TLE4: variants seen among roughly 807,000 people sequenced by gnomAD.
TLE4 encodes the protein transducin-like enhancer protein 4.
In TLE4, 8 loss-of-function variants were observed where a neutral mutation model predicts 92.8. The ratio of observed to expected loss-of-function variants is 0.09; its 90% CI spans 0.05 to 0.16. TLE4 has a LOEUF of 0.16. Ranked by LOEUF, TLE4 falls within the 10% of genes least tolerant of loss-of-function variation. The probability of loss-of-function intolerance (pLI) is 1.00; values close to 1 mark genes in which losing one functional copy is unlikely to be tolerated. For synonymous variants in TLE4, 371 were observed against 374.1 expected, an observed-to-expected ratio of 0.99 and a Z score of 0.10; for missense variants, 675 against 997.6, an observed-to-expected ratio of 0.68 and a Z score of 4.36.
chr9:79,709,520 TA>T, intron 13 of TLE4, 102 bp from the exon 14 acceptor site: 1 of 929,280 alleles, frequency 1.1e-6, no homozygotes, highest in Non-Finnish European at 1.6e-6. Flanking sequence ...ACCTTATTTT[TA>T]AAGGATCTAT....
At chr9:79,694,760 G>T (rs1046604834) in intron 8 of TLE4, among the ~76,000 whole-genome samples, 20 of 150,184 alleles carry the variant, frequency 1.3e-4, no homozygotes, top group South Asian at 6.3e-4. Flanking sequence ...ATCTGTGTGT[G>T]GTGACTTACT....
intron 8 of TLE4, among the ~76,000 whole-genome samples, chr9:79,655,446 AT>A (rs201030199): frequency 3.3e-5 from 5 of 151,660 alleles, no homozygotes; most frequent in African/African-American, 1.2e-4. Flanking sequence ...AATTAAAGGA[AT>A]TTTTTTTTCA....
At chr9:79,628,167 G>A (rs927292714) in intron 6 of TLE4, among the ~76,000 whole-genome samples, 3 of 152,008 alleles carry the variant, frequency 2.0e-5, no homozygotes, top group African/African-American at 7.2e-5. Flanking sequence ...AATCACAGCT[G>A]TAAAGAGCAT....
At chr9:79,628,059 T>TC (rs2053117982) in intron 6 of TLE4, among the ~76,000 whole-genome samples, 1 of 152,120 alleles carries the variant, frequency 6.6e-6, no homozygotes, top group African/African-American at 2.4e-5. Context: ...GGCAGTCACT[T>TC]CAACTCTGCT....
chr9:79,602,481 G>A (rs762280560), intron 4 of TLE4, among the ~76,000 whole-genome samples: 3 of 152,110 alleles, frequency 2.0e-5, no homozygotes, highest in African/African-American at 7.2e-5. Context: ...AAATCCTAGC[G>A]CCTCTAAGAA....
intron 2 of TLE4, chr9:79,574,137 G>C (rs2036911969): frequency 6.0e-6 from 1 of 167,484 alleles, no homozygotes; most frequent in African/African-American, 2.4e-5. Context: ...CTCCGGACTT[G>C]ATTCCTTCTC....
intron 19 of TLE4, among the ~76,000 whole-genome samples, chr9:79,723,293 C>G (rs146616203): frequency 1.1e-3 from 172 of 152,294 alleles, no homozygotes; most frequent in Non-Finnish European, 9.8e-4. Flanking sequence ...TCATCAATCC[C>G]TTTTTGGAGT....
intron 4 of TLE4, among the ~76,000 whole-genome samples, chr9:79,591,101 G>A (rs1347918363): frequency 6.6e-6 from 1 of 152,194 alleles, no homozygotes; most frequent in Non-Finnish European, 1.5e-5. Flanking sequence ...AGGAAAGGTA[G>A]GAGGCTTGCC....
chr9:79,704,763 T>G lies in TLE4; in HGVS notation c.610-20T>G. 2 of 1,601,526 alleles carry G rather than the reference T, an allele frequency of 1.2e-6. No individual in the cohort carries two copies. The highest frequency in any genetic ancestry group is 1.7e-6 in the Non-Finnish European group (2 of 1,176,894). ...TAGATGATAATTTCTCAACCATGCT[T>G]CCTCTCCTTCTAATTCCAGAGCTCT... On this transcript the variant is annotated intron_variant, in intron 8 of 19. Transcript: ENST00000376552.
At chr9:79,598,510 CAGTT>C (rs1386943179) in intron 4 of TLE4, among the ~76,000 whole-genome samples, 2 of 152,154 alleles carry the variant, frequency 1.3e-5, no homozygotes, top group African/African-American at 4.8e-5. Context: ...ATTTTACCCT[CAGTT>C]ACTCAGGGAA....
Position 79,632,906 on chromosome 9 carries a change from G to A in TLE4, c.390+5458G>A, listed in dbSNP as rs563561006. On this transcript the variant is annotated intron_variant, in intron 6 of 19. Transcript: ENST00000376552. ...TACACACACAGCTTGCACAATGGGG[G>A]AAGGGGCTGGCTTGAAGATGCACTC... 6.6e-5 allele frequency among the ~76,000 whole-genome samples: 10 copies of A among 152,264 alleles called. No individual in the cohort carries two copies. In the East Asian group the frequency reaches 9.7e-4, roughly 15 times the overall value.
Position 79,572,651 on chromosome 9 carries a change from C to T in TLE4, c.-140C>T. On this transcript the variant is annotated 5_prime_UTR_variant, in exon 1 of 20. Transcript: ENST00000376552. ...TTCCTGCCGCCCGTGTCACGCGAGA[C>T]CCGGCGGGGGCCGGGACCGCCCGAG... is the stretch of plus-strand genomic sequence containing the variant. 2 of 557,050 alleles carry T rather than the reference C, an allele frequency of 3.6e-6. No homozygotes were observed. Among genetic ancestry groups the T allele is most frequent in the Non-Finnish European group, 5.6e-6 (2 of 358,926 alleles). 34.5% of individuals were successfully genotyped at this position (557,050 alleles called of 1,614,324 possible).
intron 8 of TLE4, among the ~76,000 whole-genome samples, chr9:79,678,373 T>C (rs774900937): frequency 1.3e-5 from 2 of 152,126 alleles, no homozygotes; most frequent in Non-Finnish European, 2.9e-5. Context: ...CAAGCTTGAA[T>C]TGGAAACCAC....
chr9:79,629,946 G>T (rs1422315240), intron 6 of TLE4, among the ~76,000 whole-genome samples: 1 of 152,124 alleles, frequency 6.6e-6, no homozygotes, highest in Non-Finnish European at 1.5e-5. Flanking sequence ...GTGGTATTTT[G>T]ACACGCTACC....
chr9:79,680,589 TC>T (rs2064314007), intron 8 of TLE4, among the ~76,000 whole-genome samples: 1 of 152,200 alleles, frequency 6.6e-6, no homozygotes, highest in African/African-American at 2.4e-5. Flanking sequence ...GGATTTGACT[TC>T]CTCTTTTCCT....
chr9:79,621,541 C>T (rs2050982259), intron 5 of TLE4, among the ~76,000 whole-genome samples: 1 of 152,022 alleles, frequency 6.6e-6, no homozygotes, highest in Non-Finnish European at 1.5e-5. Context: ...AAAAGCTTGT[C>T]CATGAGGTAG....
At chr9:79,574,825 G>A (rs771634166) in intron 2 of TLE4, 48 bp from the exon 3 acceptor site, 5 of 1,492,200 alleles carry the variant, frequency 3.4e-6, no homozygotes, top group South Asian at 1.1e-5. Context: ...AGAGTTGAAG[G>A]ATGTAAGTTA....
At chr9:79,635,604 A>T (rs2055565240) in intron 6 of TLE4, among the ~76,000 whole-genome samples, 1 of 148,220 alleles carries the variant, frequency 6.7e-6, no homozygotes, top group South Asian at 2.1e-4. Flanking sequence ...AAGGACATGG[A>T]TTCAGTTTTT....
chr9:79,584,230 G>GGAC (rs2040479937), intron 4 of TLE4, among the ~76,000 whole-genome samples: 4 of 152,238 alleles, frequency 2.6e-5, no homozygotes, highest in African/African-American at 9.6e-5. Flanking sequence ...GAGGAGCATG[G>GGAC]TGATGCTACT....
Sources: gnomAD v4.1 joint callset for allele counts (sites outside exome capture counted in the v4.1 genomes callset) on GRCh38, gnomAD v4.1.1 for gene constraint, MANE v1.5 for transcripts, NCBI Gene and HGNC (gene_info 2026-07-23, HGNC 2026-07-21) for gene names.